ZC3H6: variants seen among roughly 807,000 people sequenced by gnomAD.
ZC3H6 encodes the protein zinc finger CCCH domain-containing protein 6.
In ZC3H6, 40 loss-of-function variants were observed where a neutral mutation model predicts 107.7. The ratio of observed to expected loss-of-function variants is 0.37; its 90% CI spans 0.29 to 0.48. ZC3H6 has a LOEUF of 0.48. Ranked by LOEUF, ZC3H6 falls within the 20% of genes least tolerant of loss-of-function variation. The pLI is 0.98. For missense variants in ZC3H6, 1,267 were observed against 1,410.4 expected (o/e 0.90, Z 1.63); for synonymous variants, 493 against 487.9 (o/e 1.01, Z -0.14).
chr2:112,280,260 C>CA (rs1372492725), intron 1 of ZC3H6, among the ~76,000 whole-genome samples: 4 of 152,176 alleles, frequency 2.6e-5, no homozygotes, highest in Admixed American at 6.5e-5. Flanking sequence ...TAGCCATTAA[C>CA]TTACTTCTGA....
In ZC3H6 at chr2:112,311,521, T is replaced by C. The variant is rs796835958; in HGVS notation, c.614-283T>C. ...ATTCTCTTAAAAACAGAAAGGCTTG[T>C]TAATGATCTTATGCTAAGGAAAATT... On this transcript the variant is annotated intron_variant, in intron 4 of 11. Transcript: ENST00000409871. Among the ~76,000 whole-genome samples, 20 of 152,318 alleles carry C rather than the reference T, an allele frequency of 1.3e-4. 1 individual carries two copies. The highest frequency in any genetic ancestry group is 4.8e-4 in the African/African-American group (20 of 41,586).
chr2:112,330,153 C>T (rs1158560328), intron 11 of ZC3H6, among the ~76,000 whole-genome samples: 2 of 151,548 alleles, frequency 1.3e-5, no homozygotes, highest in African/African-American at 4.9e-5. Flanking sequence ...CCCAGGTTCA[C>T]GCCATTCTCC....
rs1423789237 is a variant in ZC3H6, at chr2:112,338,267, T to G, written c.*5779T>G. 6.6e-6 allele frequency: 1 copy of G among 152,228 alleles called. No individual in the cohort carries two copies. The highest frequency in any genetic ancestry group is 1.9e-4 in the East Asian group (1 of 5,200). 9.4% of individuals were successfully genotyped at this position (152,228 alleles called of 1,614,324 possible). A position where few individuals can be genotyped will look rare whatever the true frequency, so the allele number is the denominator to read the frequency against. ...GCCTGGCCAGTCTTTTATTTTAAAA[T>G]AAATACTTAGTCCTAACCTAGTGAA... On this transcript the variant is annotated 3_prime_UTR_variant, in exon 12 of 12. Coordinates refer to ENST00000409871, the MANE Select transcript of ZC3H6 (RefSeq NM_198581.3).
At chr2:112,281,580 G>A (rs898234101) in intron 1 of ZC3H6, among the ~76,000 whole-genome samples, 1 of 152,156 alleles carries the variant, frequency 6.6e-6, no homozygotes, top group Admixed American at 6.5e-5. Context: ...GGCTGGATGT[G>A]GACAATGAGA....
Position 112,303,215 on chromosome 2 carries a change from T to C in ZC3H6, c.214-14T>C, listed in dbSNP as rs762777535. 1 of 1,594,102 alleles carries C rather than the reference T, an allele frequency of 6.3e-7. No homozygotes were observed. The highest frequency in any genetic ancestry group is 8.5e-7 in the Non-Finnish European group (1 of 1,173,498). On this transcript the variant is annotated splice_polypyrimidine_tract_variant and intron_variant, in intron 2 of 11. Coordinates refer to ENST00000409871, the MANE Select transcript of ZC3H6 (RefSeq NM_198581.3). ...TTTGCAAATGTAACATATTTGTCTT[T>C]CCCCTCCCTTCAGCATAATTCCCCA...
chr2:112,275,999 C>T lies in ZC3H6; in HGVS notation c.5C>T (p.Thr2Ile), dbSNP rs940131501. The T allele has an allele frequency of 7.8e-6, 12 of 1,540,080 alleles. No individual in the cohort carries two copies. Among genetic ancestry groups the T allele is most frequent in the African/African-American group, 7.0e-5 (5 of 71,032 alleles). Residue 2 changes from threonine (T) to isoleucine (I), a missense_variant, in exon 1 of 12, where the codon ACA becomes ATA. Around this residue, in one of 3 missense-constraint regions of ZC3H6, gnomAD observed 337 missense variants for 361.2 expected, o/e 0.93. Coordinates refer to ENST00000409871, the MANE Select transcript of ZC3H6 (RefSeq NM_198581.3). ...CCGCCCCGTTCTTGACCAAACATGA[C>T]AGACTCTGAACATGCAGGGCACGAC... M[T>I]DSEHAGHDRE...
chr2:112,309,813 G>A (rs1333420494), intron 3 of ZC3H6, 72 bp from the exon 4 acceptor site: 2 of 1,432,596 alleles, frequency 1.4e-6, no homozygotes, highest in African/African-American at 1.4e-5. Flanking sequence ...GGGGGAAAAG[G>A]ATGTCCTGTG....
chr2:112,325,731 C>T (rs1165594667), intron 11 of ZC3H6, among the ~76,000 whole-genome samples: 2 of 151,876 alleles, frequency 1.3e-5, no homozygotes, highest in Non-Finnish European at 2.9e-5. Flanking sequence ...ATTTTGAATT[C>T]TAGCCCAATT....
chr2:112,279,400 A>G (rs1397818675), intron 1 of ZC3H6, among the ~76,000 whole-genome samples: 1 of 152,254 alleles, frequency 6.6e-6, no homozygotes, highest in African/African-American at 2.4e-5. Flanking sequence ...AAATATACTA[A>G]TGGTAAAAGG....
chr2:112,310,987 T>G (rs926496333), intron 4 of ZC3H6, among the ~76,000 whole-genome samples: 1 of 152,250 alleles, frequency 6.6e-6, no homozygotes, highest in Non-Finnish European at 1.5e-5. Context: ...CATATGCTGT[T>G]GTACTGAGCA....
At chr2:112,276,574 AACACAAAATACTTAG>A (rs1686431391) in intron 1 of ZC3H6, among the ~76,000 whole-genome samples, 1 of 152,168 alleles carries the variant, frequency 6.6e-6, no homozygotes. Context: ...TTAATATGTT[AACACAAAATACTTAG>A]GCTTTGCAGA....
At position 112,324,630 on chromosome 2, in the gene ZC3H6, A is replaced by G. The variant is rs1303182450; in HGVS notation, c.1819A>G (p.Ile607Val). The G allele has an allele frequency of 1.2e-6, 2 of 1,607,246 alleles. No homozygotes were observed. Among genetic ancestry groups the G allele is most frequent in the African/African-American group, 1.3e-5 (1 of 74,770 alleles). Residue 607 changes from isoleucine (I) to valine (V), a missense_variant, in exon 10 of 12, where the codon ATA becomes GTA. Ile to Val is a conservative substitution (Grantham distance 29). This residue lies in a region of ZC3H6 where 925 missense variants were observed against 1,025.7 expected (regional missense o/e 0.90). Transcript: ENST00000409871. ...CGATAATTACTATGCACAGCATTCTATACATAATTTTCAGCCACCCAATAA... is the reference window on the plus strand; with the variant it reads ...CGATAATTACTATGCACAGCATTCTGTACATAATTTTCAGCCACCCAATAA... Reference protein sequence around the residue: ...FYDNYYAQHSIHNFQPPNNSG... With the variant: ...FYDNYYAQHSVHNFQPPNNSG...
chr2:112,283,712 T>C (rs1048624639), intron 1 of ZC3H6, among the ~76,000 whole-genome samples: 3 of 152,148 alleles, frequency 2.0e-5, no homozygotes, highest in Non-Finnish European at 2.9e-5. Flanking sequence ...AGCAGCTGAG[T>C]GAGAACCACA....
Position 112,331,352 on chromosome 2 carries a change from G to A in ZC3H6, c.2434G>A (p.Ala812Thr), listed in dbSNP as rs756419135. Residue 812 changes from alanine (A) to threonine (T), a missense_variant, in exon 12 of 12, where the codon GCT becomes ACT. This residue lies in a region of ZC3H6 where 925 missense variants were observed against 1,025.7 expected (regional missense o/e 0.90). Transcript: ENST00000409871. ...GAKFDLHHAN[A>T]GTNVKHKRGD... ...AAAGTTTGATTTGCATCATGCAAAT[G>A]CTGGCACTAATGTCAAACACAAAAG... 3.1e-6 allele frequency: 5 copies of A among 1,613,690 alleles called. No homozygotes were observed. The East Asian group carries it at 6.7e-5, about 22-fold the overall frequency.
intron 1 of ZC3H6, among the ~76,000 whole-genome samples, chr2:112,290,324 C>CT (rs1255333413): frequency 2.0e-5 from 3 of 152,198 alleles, no homozygotes; most frequent in East Asian, 3.8e-4. Flanking sequence ...CATCCTATTC[C>CT]TTTGTTTGCA....
rs542991025 is a variant in ZC3H6, at chr2:112,286,288, G to T, written c.32+10262G>T. On this transcript the variant is annotated intron_variant, in intron 1 of 11. Coordinates refer to ENST00000409871, the MANE Select transcript of ZC3H6 (RefSeq NM_198581.3). The stretch of plus-strand genomic sequence containing the variant: ...TTTCGATGAGCCCTCGGCAGTTAGG[G>T]TAAGCAGGTTTCAGCCAGGCTCTTA... The T allele has an allele frequency of 2.0e-3, 549 of 271,282 alleles. 2 individuals are homozygous for T. The highest frequency in any genetic ancestry group is 3.9e-3 in the Admixed American group (80 of 20,522). 16.8% of individuals were successfully genotyped at this position (271,282 alleles called of 1,614,324 possible). A position where few individuals can be genotyped will look rare whatever the true frequency, so the allele number is the denominator to read the frequency against.
At chr2:112,278,989 A>G (rs1176344041) in intron 1 of ZC3H6, among the ~76,000 whole-genome samples, 2 of 152,246 alleles carry the variant, frequency 1.3e-5, no homozygotes, top group Admixed American at 6.5e-5. Flanking sequence ...AAAAAAATCC[A>G]TTTAGTGTAC....
In ZC3H6 at chr2:112,299,922, G is replaced by A. The variant is rs1676335889; in HGVS notation, c.106G>A (p.Glu36Lys). The A allele has an allele frequency of 6.6e-7, 1 of 1,507,666 alleles. No homozygotes were observed. The highest frequency in any genetic ancestry group is 2.3e-5 in the Admixed American group (1 of 44,378). 93.4% of individuals were successfully genotyped at this position (1,507,666 alleles called of 1,614,324 possible). A position where few individuals can be genotyped will look rare whatever the true frequency, so the allele number is the denominator to read the frequency against. ...FEEIQEKEAK[E>K]NEKQKSEKAY... ...AGAAATACAAGAAAAAGAAGCAAAAGAGAATGAAAAGCAGAAAAGTGAGAA... is the reference window on the plus strand; with the variant it reads ...AGAAATACAAGAAAAAGAAGCAAAAAAGAATGAAAAGCAGAAAAGTGAGAA... The change falls in exon 2 of 12, where the codon GAG (glutamate) becomes AAG (lysine). Residue 36 changes from glutamate (E) to lysine (K), a missense_variant. By Grantham distance (56) the Glu-to-Lys change is moderately conservative. Coordinates refer to ENST00000409871, the MANE Select transcript of ZC3H6 (RefSeq NM_198581.3).
chr2:112,285,187 G>A (rs1048913399), intron 1 of ZC3H6, among the ~76,000 whole-genome samples: 1 of 151,648 alleles, frequency 6.6e-6, no homozygotes, highest in Non-Finnish European at 1.5e-5. Context: ...ACTTTCTTTC[G>A]TACATAAATA....
Sources: allele counts gnomAD v4.1 joint callset (sites outside exome capture counted in the v4.1 genomes callset), GRCh38; gene constraint gnomAD v4.1.1; regional missense constraint gnomAD v4.1.1; transcripts MANE v1.5; gene names NCBI Gene and HGNC (gene_info 2026-07-23, HGNC 2026-07-21).